The following ZNF423 variants were observed in gnomAD, a reference collection of about 807,000 sequenced individuals.
ZNF423 encodes the protein zinc finger protein 423.
Under a neutral mutation model 95.8 loss-of-function variants are expected in ZNF423, and 12 were observed. The ratio of observed to expected loss-of-function variants is 0.13; its 90% CI spans 0.08 to 0.20. ZNF423 has a LOEUF of 0.20. ZNF423 is among the 10% of genes least tolerant of loss of function. The pLI, the probability that ZNF423 is intolerant of heterozygous loss-of-function variation, is 1.00. For missense variants in ZNF423, 1,316 were observed against 1,737.1 expected, an observed-to-expected ratio of 0.76 and a Z score of 4.31; for synonymous variants, 749 against 711.9, an observed-to-expected ratio of 1.05 and a Z score of -0.83.
At chr16:49,555,062 G>A (rs1381458610) in intron 5 of ZNF423, among the ~76,000 whole-genome samples, 1 of 151,958 alleles carries the variant, frequency 6.6e-6, no homozygotes, top group Non-Finnish European at 1.5e-5. Flanking sequence ...TATTTCATGG[G>A]TTCATTTCAT....
chr16:49,579,777 A>G (rs1027768273), intron 5 of ZNF423, among the ~76,000 whole-genome samples: 1 of 152,164 alleles, frequency 6.6e-6, no homozygotes, highest in East Asian at 1.9e-4. Flanking sequence ...CACCCCAGGT[A>G]GTCAGTCCTG....
intron 5 of ZNF423, among the ~76,000 whole-genome samples, chr16:49,560,356 G>T (rs1160530343): frequency 6.6e-6 from 1 of 152,180 alleles, no homozygotes; most frequent in Admixed American, 6.5e-5. Flanking sequence ...CTTTCAAAAA[G>T]GCCGAAGTTG....
At chr16:49,761,320 T>C (rs1344248456) in intron 2 of ZNF423, among the ~76,000 whole-genome samples, 1 of 152,210 alleles carries the variant, frequency 6.6e-6, no homozygotes, top group Non-Finnish European at 1.5e-5. Context: ...GAGGAGGCCA[T>C]ACTACAGAGG....
rs576105220 is a variant in ZNF423 at position 49,692,080 on chromosome 16, G to C, written c.301+38691C>G. 3.3e-5 allele frequency among the ~76,000 whole-genome samples: 5 copies of C among 152,224 alleles called. No individual in the cohort carries two copies. In the South Asian group the frequency reaches 1.0e-3, roughly 32 times the overall value. ...TCCTCTAGCCTCAGCCGCCAGAGTA[G>C]CTGGGTCTACAGATGAATGCTACCA... On this transcript the variant is annotated intron_variant, in intron 3 of 7. Coordinates refer to ENST00000563137, the MANE Select transcript of ZNF423 (RefSeq NM_001379286.1).
intron 5 of ZNF423, among the ~76,000 whole-genome samples, chr16:49,540,586 T>A (rs1459120984): frequency 2.0e-5 from 3 of 152,156 alleles, no homozygotes; most frequent in African/African-American, 7.2e-5. Flanking sequence ...TGGCCCACAA[T>A]GTTAAACTCA....
At chr16:49,658,028 G>A (rs1014619908) in intron 3 of ZNF423, among the ~76,000 whole-genome samples, 2 of 152,242 alleles carry the variant, frequency 1.3e-5, no homozygotes, top group Non-Finnish European at 2.9e-5. Context: ...GTACCCAAGT[G>A]TAATCCTAAA....
intron 1 of ZNF423, among the ~76,000 whole-genome samples, chr16:49,835,488 C>T (rs746556038): frequency 6.6e-6 from 1 of 152,214 alleles, no homozygotes; most frequent in Non-Finnish European, 1.5e-5. Context: ...AGCGACGCCC[C>T]CTAGCCAGGA....
In ZNF423 at chr16:49,740,248, G is replaced by A. The variant is rs551562567; in HGVS notation, c.101-9277C>T. On this transcript the variant is annotated intron_variant, in intron 2 of 7. Coordinates refer to ENST00000563137, the MANE Select transcript of ZNF423 (RefSeq NM_001379286.1). ...AAAAACATGTTCCCGAGGGCAAGATGCCTTTTCTGAATCTGAGCACCAGGT... is the reference window on the plus strand; with the variant it reads ...AAAAACATGTTCCCGAGGGCAAGATACCTTTTCTGAATCTGAGCACCAGGT... Among the ~76,000 whole-genome samples, 20 of 152,276 alleles carry A rather than the reference G, an allele frequency of 1.3e-4. No individual in the cohort carries two copies. In the South Asian group the frequency reaches 3.1e-3, roughly 24 times the overall value.
In ZNF423 at chr16:49,626,151, G is replaced by A. The variant is rs763174963; in HGVS notation, c.3601+19C>T. ...CCAAAGAGTAGCTCCAGCATGGCTG[G>A]GAGGAAATGCTCTCTTACCAATCAT... On this transcript the variant is annotated intron_variant, in intron 5 of 7. Coordinates refer to ENST00000563137, the MANE Select transcript of ZNF423 (RefSeq NM_001379286.1). The A allele has an allele frequency of 2.5e-6, 4 of 1,612,544 alleles. No individual in the cohort carries two copies. Among genetic ancestry groups the A allele is most frequent in the South Asian group, 1.1e-5 (1 of 91,042 alleles).
intron 5 of ZNF423, among the ~76,000 whole-genome samples, chr16:49,607,950 CT>C (rs1434169863): frequency 5.9e-5 from 9 of 152,212 alleles, no homozygotes; most frequent in African/African-American, 2.2e-4. Context: ...CCGTCTGCCC[CT>C]CCCAACTCCC....
chr16:49,557,407 T>C (rs1969864680), intron 5 of ZNF423, among the ~76,000 whole-genome samples: 1 of 152,062 alleles, frequency 6.6e-6, no homozygotes, highest in Non-Finnish European at 1.5e-5. Context: ...GGCTGCAGCC[T>C]GGGTGGAATG....
intron 3 of ZNF423, among the ~76,000 whole-genome samples, chr16:49,728,835 C>T (rs772776230): frequency 1.6e-4 from 25 of 152,266 alleles, no homozygotes; most frequent in Non-Finnish European, 2.8e-4. Flanking sequence ...CGGGTTCAAG[C>T]GATTCTTTTG....
Position 49,637,007 on chromosome 16 carries a change from G to A in ZNF423, c.2169C>T (p.His723=). ...DDLQKHLLDM[H]TFVLYHCTLC... ...GGGTGCAGTGGTACAACACAAAGGT[G>A]TGCATGTCCAGCAGGTGCTTCTGCA... The change falls in exon 4 of 8, where the codon CAC becomes CAT. Residue 723 remains histidine, a synonymous_variant. Transcript: ENST00000563137. The surrounding 1 kb of genome is among the most constrained non-coding windows in gnomAD (Gnocchi z 5.6). The A allele has an allele frequency of 6.2e-7, 1 of 1,613,954 alleles. No homozygotes were observed. Among genetic ancestry groups the A allele is most frequent in the Non-Finnish European group, 8.5e-7 (1 of 1,180,038 alleles).
chr16:49,599,429 C>A (rs76633542), intron 5 of ZNF423, among the ~76,000 whole-genome samples: 2,445 of 152,258 alleles, frequency 0.016, 62 homozygotes, highest in African/African-American at 0.056. Flanking sequence ...TCCTTAATCC[C>A]CTCATTTCAC....
chr16:49,500,223 A>C (rs1471392898), intron 7 of ZNF423, among the ~76,000 whole-genome samples: 1 of 152,108 alleles, frequency 6.6e-6, no homozygotes, highest in Non-Finnish European at 1.5e-5. Flanking sequence ...TCTCCAAAGA[A>C]GGTGGGGGTA....
intron 7 of ZNF423, among the ~76,000 whole-genome samples, chr16:49,496,987 CG>C (rs1289954860): frequency 6.6e-6 from 1 of 152,168 alleles, no homozygotes; most frequent in African/African-American, 2.4e-5. Context: ...AGAACAATCC[CG>C]AGATGGCTGA....
intron 5 of ZNF423, among the ~76,000 whole-genome samples, chr16:49,547,848 A>G (rs993456504): frequency 2.6e-5 from 4 of 152,128 alleles, no homozygotes; most frequent in African/African-American, 9.7e-5. Context: ...TCTAATTAGG[A>G]TGGGGATTTT....
chr16:49,626,074 C>G, intron 5 of ZNF423, 96 bp downstream of exon 5: 3 of 1,211,986 alleles, frequency 2.5e-6, no homozygotes, highest in Non-Finnish European at 3.7e-6. Context: ...GTGACTCTGT[C>G]CTTTGGCCTA....
intron 5 of ZNF423, among the ~76,000 whole-genome samples, chr16:49,534,628 C>A (rs112176512): frequency 0.042 from 6,451 of 152,206 alleles, 492 homozygotes; most frequent in African/African-American, 0.15. Context: ...TACAAACCCG[C>A]TGTGGGGGCC....
Sources: gnomAD v4.1 joint callset for allele counts (sites outside exome capture counted in the v4.1 genomes callset) on GRCh38, gnomAD v4.1.1 for gene constraint, Gnocchi (gnomAD v3.1) non-coding constraint, MANE v1.5 for transcripts, NCBI Gene and HGNC (gene_info 2026-07-23, HGNC 2026-07-21) for gene names.